VIT: variants seen among roughly 807,000 people sequenced by gnomAD.
VIT encodes the protein vitrin.
In VIT, 99 loss-of-function variants were observed where a neutral mutation model predicts 78.0. That is an observed-to-expected ratio of 1.27 (90% CI 1.08 to 1.50). VIT has a LOEUF of 1.50. Among genes scored for constraint, VIT ranks in the 40% most tolerant of loss-of-function variants. VIT has a pLI of 0.00. For synonymous variants in VIT, 374 were observed against 334.3 expected (o/e 1.12, Z -1.29); for missense variants, 1,126 against 875.3 (o/e 1.29, Z -3.61).
intron 12 of VIT, among the ~76,000 whole-genome samples, chr2:36,797,647 G>C (rs1416960531): frequency 2.0e-5 from 3 of 152,146 alleles, no homozygotes; most frequent in Admixed American, 1.3e-4. Context: ...GTATATGTGA[G>C]GTTCAAGAAA....
intron 14 of VIT, 144 bp from the exon 15 acceptor site, chr2:36,808,328 C>G (rs1019263773): frequency 1.7e-5 from 20 of 1,208,146 alleles, no homozygotes; most frequent in Non-Finnish European, 2.1e-5. Flanking sequence ...CTGGGTGAAC[C>G]GAGATGGAAG....
intron 6 of VIT, among the ~76,000 whole-genome samples, chr2:36,766,682 AG>A (rs1397943348): frequency 2.6e-5 from 4 of 152,222 alleles, no homozygotes; most frequent in Non-Finnish European, 4.4e-5. Context: ...CTCTAAGACT[AG>A]GTCATAATGA....
At chr2:36,761,705 A>G (rs1410859504) in intron 6 of VIT, among the ~76,000 whole-genome samples, 1 of 151,678 alleles carries the variant, frequency 6.6e-6, no homozygotes, top group Non-Finnish European at 1.5e-5. Flanking sequence ...ACGGCACTGC[A>G]CTCCAGCCTG....
intron 3 of VIT, among the ~76,000 whole-genome samples, chr2:36,739,668 C>G (rs80148363): frequency 0.017 from 2,544 of 152,168 alleles, 68 homozygotes; most frequent in African/African-American, 0.059. Flanking sequence ...CTGAGGTGCT[C>G]TAATGTGATT....
chr2:36,755,955 A>ATTTTTTTTTTTT lies in VIT; in HGVS notation c.409+909_409+920dup, dbSNP rs58344336. Among the ~76,000 whole-genome samples, 17 of 108,598 alleles carry ATTTTTTTTTTTT rather than the reference A, an allele frequency of 1.6e-4. 2 individuals carry two copies. Among genetic ancestry groups the ATTTTTTTTTTTT allele is most frequent in the East Asian group, 1.1e-3 (4 of 3,720 alleles). The allele number at this position is 108,598 out of a possible 152,430, so 71.2% of individuals were successfully genotyped here. On this transcript the variant is annotated intron_variant, in intron 5 of 15. Coordinates refer to ENST00000379242, the MANE Select transcript of VIT (RefSeq NM_053276.4). The stretch of plus-strand genomic sequence containing the variant: ...CGGTAGTGCTTGAGGACAACACAGT[A>ATTTTTTTTTTTT]TTTTTTTTTTTTTTTTTTTGAGACG...
intron 12 of VIT, among the ~76,000 whole-genome samples, chr2:36,790,773 G>C (rs1196138722): frequency 6.6e-6 from 1 of 152,214 alleles, no homozygotes; most frequent in Non-Finnish European, 1.5e-5. Context: ...ACCTCCTGAA[G>C]ACTGAGACAT....
At chr2:36,737,710 G>C (rs1270938258) in intron 3 of VIT, among the ~76,000 whole-genome samples, 1 of 152,208 alleles carries the variant, frequency 6.6e-6, no homozygotes, top group African/African-American at 2.4e-5. Context: ...ATTGGACACT[G>C]ATGAAGAGAA....
chr2:36,807,352 T>G (rs75830085), intron 14 of VIT, among the ~76,000 whole-genome samples: 113,664 of 151,560 alleles, frequency 0.75, 42,846 homozygotes, highest in East Asian at 0.99. Flanking sequence ...CTGTGTTCAG[T>G]CCAGCTAGTC....
At chr2:36,747,261 G>C (rs1405026389) in intron 4 of VIT, among the ~76,000 whole-genome samples, 1 of 152,134 alleles carries the variant, frequency 6.6e-6, no homozygotes, top group East Asian at 1.9e-4. Context: ...CAGATGAGAA[G>C]AATGTGTATC....
chr2:36,758,158 G>C (rs1455492889), intron 5 of VIT, among the ~76,000 whole-genome samples: 6 of 152,190 alleles, frequency 3.9e-5, no homozygotes, highest in Non-Finnish European at 8.8e-5. Flanking sequence ...AATTTTAACA[G>C]AGATCTAAGC....
chr2:36,797,696 A>C (rs750437956), intron 12 of VIT, among the ~76,000 whole-genome samples: 4 of 152,188 alleles, frequency 2.6e-5, no homozygotes, highest in African/African-American at 4.8e-5. Flanking sequence ...TGGCACATGA[A>C]TGGTCTGTGA....
chr2:36,729,948 G>T (rs757491530), intron 3 of VIT, among the ~76,000 whole-genome samples: 26 of 152,166 alleles, frequency 1.7e-4, no homozygotes, highest in Admixed American at 1.7e-3. Flanking sequence ...AATGGAAGGA[G>T]AAAAAATAAA....
intron 3 of VIT, among the ~76,000 whole-genome samples, chr2:36,738,730 A>G (rs1667656699): frequency 6.6e-6 from 1 of 152,228 alleles, no homozygotes; most frequent in African/African-American, 2.4e-5. Flanking sequence ...GAAATGATTC[A>G]AGCTAAGTGT....
intron 2 of VIT, among the ~76,000 whole-genome samples, chr2:36,720,272 G>A (rs1666419675): frequency 6.6e-6 from 1 of 152,206 alleles, no homozygotes; most frequent in African/African-American, 2.4e-5. Context: ...AAAACAGCAT[G>A]GTACTGGCAT....
intron 12 of VIT, among the ~76,000 whole-genome samples, chr2:36,795,712 T>A (rs1481996018): frequency 6.6e-6 from 1 of 152,150 alleles, no homozygotes; most frequent in Non-Finnish European, 1.5e-5. Flanking sequence ...CCACTCTGCC[T>A]TCTTGTTTCA....
At chr2:36,801,762 C>T (rs1028120364) in intron 13 of VIT, among the ~76,000 whole-genome samples, 4 of 146,384 alleles carry the variant, frequency 2.7e-5, no homozygotes, top group East Asian at 2.0e-4. Context: ...GGTGGCAGAG[C>T]GAGACTCCAT....
intron 3 of VIT, among the ~76,000 whole-genome samples, chr2:36,733,954 GA>G (rs1452945156): frequency 6.6e-6 from 1 of 152,204 alleles, no homozygotes; most frequent in African/African-American, 2.4e-5. Context: ...AACAGAAAGT[GA>G]AATGATAAAA....
intron 2 of VIT, among the ~76,000 whole-genome samples, chr2:36,717,418 G>A (rs113817705): frequency 0.28 from 18,855 of 66,566 alleles, 1,999 homozygotes; most frequent in Non-Finnish European, 0.46. Flanking sequence ...GGGTTTCACC[G>A]TGTGAGACAG....
At chr2:36,700,436 C>CCAA (rs1021888502) in intron 1 of VIT, among the ~76,000 whole-genome samples, 1 of 151,816 alleles carries the variant, frequency 6.6e-6, no homozygotes, top group Non-Finnish European at 1.5e-5. Flanking sequence ...AACCATCACC[C>CCAA]CAACAACAAC....
Sources: allele counts gnomAD v4.1 joint callset (sites outside exome capture counted in the v4.1 genomes callset), GRCh38; gene constraint gnomAD v4.1.1; transcripts MANE v1.5; gene names NCBI Gene and HGNC (gene_info 2026-07-23, HGNC 2026-07-21).